The following RAP1GAP2 variants were observed in gnomAD, a reference collection of about 807,000 sequenced individuals.
RAP1GAP2 encodes the protein rap1 GTPase-activating protein 2.
RAP1GAP2 carries 27 observed loss-of-function variants against 95.0 expected under a neutral mutation model. The ratio of observed to expected loss-of-function variants is 0.28; its 90% CI spans 0.21 to 0.39. The LOEUF (loss-of-function observed/expected upper bound fraction) is 0.39, where lower values mean the gene tolerates loss of function less well. Ranked by LOEUF, RAP1GAP2 falls within the 10% of genes least tolerant of loss-of-function variation. The pLI is 1.00. For synonymous variants in RAP1GAP2, 373 were observed against 380.9 expected (o/e 0.98, Z 0.24); for missense variants, 771 against 970.0 (o/e 0.79, Z 2.72).
Position 3,006,006 on chromosome 17 carries a change from G to T in RAP1GAP2, c.1324G>T (p.Ala442Ser), listed in dbSNP as rs748481508. 1.2e-6 allele frequency: 2 copies of T among 1,613,642 alleles called. No individual in the cohort carries two copies. Among genetic ancestry groups the T allele is most frequent in the African/African-American group, 1.3e-5 (1 of 74,860 alleles). ...CACCAAGCTCACCAATGCCGAGAAC[G>T]CCTGCTGCAAGTCGGACAAGTTTGC... ...LLTKLTNAEN[A>S]CCKSDKFAKL... Residue 442 changes from alanine (A) to serine (S), a missense_variant, in exon 16 of 25, where the codon GCC becomes TCC. Coordinates refer to ENST00000254695, the MANE Select transcript of RAP1GAP2 (RefSeq NM_015085.5).
intron 2 of RAP1GAP2, among the ~76,000 whole-genome samples, chr17:2,837,073 A>C (rs1358003290): frequency 1.3e-5 from 2 of 152,116 alleles, no homozygotes; most frequent in Non-Finnish European, 2.9e-5. Flanking sequence ...CAACAAGGTG[A>C]GACCCTGTCA....
At chr17:2,791,962 C>T (rs547614930), upstream of RAP1GAP2, among the ~76,000 whole-genome samples, 16 of 150,764 alleles carry the variant, frequency 1.1e-4, no homozygotes, top group East Asian at 2.6e-3. Context: ...CAGGCTCAAA[C>T]GATTCTCCTG....
chr17:2,882,567 G>T (rs2073348173), intron 2 of RAP1GAP2, among the ~76,000 whole-genome samples: 1 of 152,142 alleles, frequency 6.6e-6, no homozygotes. Flanking sequence ...TGGGATTACA[G>T]GCATGCGCCA....
At chr17:2,940,279 G>A (rs1179474769) in intron 3 of RAP1GAP2, among the ~76,000 whole-genome samples, 1 of 152,174 alleles carries the variant, frequency 6.6e-6, no homozygotes, top group East Asian at 1.9e-4. Flanking sequence ...GGGGGATGTG[G>A]AGGGCAGGGG....
intron 2 of RAP1GAP2, among the ~76,000 whole-genome samples, chr17:2,810,342 TAA>T (rs1333937552): frequency 6.6e-6 from 1 of 151,840 alleles, no homozygotes; most frequent in Non-Finnish European, 1.5e-5. Flanking sequence ...GCTTGAGATT[TAA>T]AAAGTCAAAT....
Position 2,825,331 on chromosome 17 carries a change from AG to A in RAP1GAP2, c.80+24784del, listed in dbSNP as rs1286280616. ...CATGATTTGGGCAAGAGGAGGGAGA[AG>A]GGAAGAGAAGAAACTTTGCTGTTGG... On this transcript the variant is annotated intron_variant, in intron 2 of 24. Transcript: ENST00000254695. The surrounding 1 kb of genome is among the most constrained non-coding windows in gnomAD (Gnocchi z 4.1). Among the ~76,000 whole-genome samples the A allele has an allele frequency of 6.6e-6, 1 of 152,142 alleles. No homozygotes were observed. The highest frequency in any genetic ancestry group is 1.9e-4 in the East Asian group (1 of 5,188).
At chr17:2,810,529 T>G (rs2069723163) in intron 2 of RAP1GAP2, among the ~76,000 whole-genome samples, 1 of 127,946 alleles carries the variant, frequency 7.8e-6, no homozygotes, top group Admixed American at 7.8e-5. Context: ...ACCCTTTTTT[T>G]TTTTTTTTTT....
At chr17:2,802,177 C>T (rs2069329996) in intron 2 of RAP1GAP2, among the ~76,000 whole-genome samples, 1 of 152,210 alleles carries the variant, frequency 6.6e-6, no homozygotes, top group South Asian at 2.1e-4. Flanking sequence ...AGAAGGTTTT[C>T]CCTGCCTAGT....
At chr17:2,831,009 C>T (rs1182879129) in intron 2 of RAP1GAP2, among the ~76,000 whole-genome samples, 1 of 78,404 alleles carries the variant, frequency 1.3e-5, no homozygotes, top group African/African-American at 5.3e-5. Flanking sequence ...CCTCCCCTCC[C>T]CTCCTCTCCC....
intron 3 of RAP1GAP2, among the ~76,000 whole-genome samples, chr17:2,911,166 C>T (rs571752322): frequency 3.6e-4 from 55 of 152,208 alleles, no homozygotes; most frequent in African/African-American, 1.3e-3. Context: ...GTCTCTGCCG[C>T]GCTCCCCCCG....
At chr17:3,023,624 AT>A (rs997432652) in intron 19 of RAP1GAP2, among the ~76,000 whole-genome samples, 1 of 152,174 alleles carries the variant, frequency 6.6e-6, no homozygotes, top group African/African-American at 2.4e-5. Context: ...GTTTTTAAAA[AT>A]TTTTATTTTA....
chr17:3,018,139 G>C lies in RAP1GAP2; in HGVS notation c.1573G>C (p.Gly525Arg). The change falls in exon 18 of 25, where the codon GGC becomes CGC. Residue 525 changes from glycine to arginine, a missense_variant. Gly to Arg is a moderately radical substitution (Grantham distance 125). Coordinates refer to ENST00000254695, the MANE Select transcript of RAP1GAP2 (RefSeq NM_015085.5). ...GAAGTCGCACAGTGGGGGCATCCCTGGCAGCCTCAGCGGGGGCATCTCCCA... is the reference window on the plus strand; with the variant it reads ...GAAGTCGCACAGTGGGGGCATCCCTCGCAGCCTCAGCGGGGGCATCTCCCA... ...QKKSHSGGIP[G>R]SLSGGISHNS... 1 of 1,583,966 alleles carries C rather than the reference G, an allele frequency of 6.3e-7. No individual in the cohort carries two copies. The highest frequency in any genetic ancestry group is 8.6e-7 in the Non-Finnish European group (1 of 1,165,692).
At chr17:2,881,617 CAT>C (rs1409207401) in intron 2 of RAP1GAP2, among the ~76,000 whole-genome samples, 1 of 152,088 alleles carries the variant, frequency 6.6e-6, no homozygotes, top group East Asian at 1.9e-4. Flanking sequence ...CACTTGTGTA[CAT>C]GTTTTTGTTT....
chr17:2,947,129 AG>A lies in RAP1GAP2; in HGVS notation c.166-10628del, dbSNP rs371902375. Among the ~76,000 whole-genome samples, 229 of 152,314 alleles carry A rather than the reference AG, an allele frequency of 1.5e-3. 1 individual carries two copies. In the East Asian group the frequency reaches 0.019, roughly 12 times the overall value. ...GCCACACTTAACAGAGAGCCATTGC[AG>A]GCTCCTGGCCCCAGTGACATAGTGA... is the stretch of plus-strand genomic sequence containing the variant. On this transcript the variant is annotated intron_variant, in intron 3 of 24. Coordinates refer to ENST00000254695, the MANE Select transcript of RAP1GAP2 (RefSeq NM_015085.5).
intron 8 of RAP1GAP2, among the ~76,000 whole-genome samples, chr17:2,966,603 G>A (rs1404708034): frequency 6.6e-6 from 1 of 152,176 alleles, no homozygotes; most frequent in East Asian, 1.9e-4. Context: ...GTGGTTTCAG[G>A]ATGTCGTCAG....
At chr17:2,852,516 C>T (rs2071901891) in intron 2 of RAP1GAP2, among the ~76,000 whole-genome samples, 1 of 152,122 alleles carries the variant, frequency 6.6e-6, no homozygotes, top group African/African-American at 2.4e-5. Flanking sequence ...GTTTGCAGTC[C>T]CTCTCCCCTC....
intron 10 of RAP1GAP2, among the ~76,000 whole-genome samples, chr17:2,984,415 T>C (rs1025823224): frequency 1.4e-4 from 22 of 152,222 alleles, no homozygotes; most frequent in African/African-American, 4.6e-4. Flanking sequence ...TCATCAACTC[T>C]ATGATGCGTA....
At chr17:2,953,172 T>C (rs1463897188) in intron 3 of RAP1GAP2, among the ~76,000 whole-genome samples, 1 of 152,090 alleles carries the variant, frequency 6.6e-6, no homozygotes, top group African/African-American at 2.4e-5. Context: ...TCATTTTCTA[T>C]GAATTTATAT....
At chr17:2,863,173 G>A (rs1333062527) in intron 2 of RAP1GAP2, among the ~76,000 whole-genome samples, 1 of 151,996 alleles carries the variant, frequency 6.6e-6, no homozygotes, top group African/African-American at 2.4e-5. Flanking sequence ...ACCCTGAAGA[G>A]GGTCTCGAAG....
Sources: allele counts gnomAD v4.1 joint callset (sites outside exome capture counted in the v4.1 genomes callset), GRCh38; gene constraint gnomAD v4.1.1; non-coding constraint Gnocchi (gnomAD v3.1); transcripts MANE v1.5; gene names NCBI Gene and HGNC (gene_info 2026-07-23, HGNC 2026-07-21).